The following LRRC8C variants were observed in gnomAD, a reference collection of about 807,000 sequenced individuals.
LRRC8C encodes the protein volume-regulated anion channel subunit LRRC8C.
LRRC8C carries 20 observed loss-of-function variants against 55.3 expected under a neutral mutation model. The observed-to-expected ratio is 0.36, with a 90% CI of 0.25 to 0.53. The LOEUF is 0.53. LRRC8C is among the 20% of genes least tolerant of loss of function. LRRC8C has a pLI of 0.92. For missense variants in LRRC8C, 659 were observed against 951.4 expected, an observed-to-expected ratio of 0.69 and a Z score of 4.04; for synonymous variants, 376 against 360.7, an observed-to-expected ratio of 1.04 and a Z score of -0.48.
the LRRC8C span, chr1:89,626,731 A>G: frequency 6.6e-6 from 1 of 152,164 alleles, no homozygotes; most frequent in Non-Finnish European, 1.5e-5. Context: ...AAGCTTCTGT[A>G]TCAGTGGAGT....
At chr1:89,709,108 T>C (rs1006767850) in intron 2 of LRRC8C, among the ~76,000 whole-genome samples, 3 of 152,252 alleles carry the variant, frequency 2.0e-5, no homozygotes, top group African/African-American at 7.2e-5. Flanking sequence ...ACAGAACTTC[T>C]GGAGATTGCC....
At chr1:89,679,991 TG>T (rs1458133503) in intron 1 of LRRC8C, among the ~76,000 whole-genome samples, 2 of 152,086 alleles carry the variant, frequency 1.3e-5, no homozygotes, top group Non-Finnish European at 2.9e-5. Context: ...AAAATTATCC[TG>T]GGGAGGAGGA....
chr1:89,625,528 A>C, the LRRC8C span, among the ~76,000 whole-genome samples: 1 of 152,310 alleles, frequency 6.6e-6, no homozygotes, highest in African/African-American at 2.4e-5. Flanking sequence ...TGGATTCAGG[A>C]AACTAAGAAG....
At chr1:89,659,069 G>T (rs1285828973) in intron 1 of LRRC8C, among the ~76,000 whole-genome samples, 28,457 of 69,222 alleles carry the variant, frequency 0.41, 5,091 homozygotes, top group East Asian at 0.57. Flanking sequence ...TTTTGTGTGT[G>T]TGTGTGTGTG....
At chr1:89,640,314 C>CA (rs1219786246) in intron 1 of LRRC8C, among the ~76,000 whole-genome samples, 2 of 152,254 alleles carry the variant, frequency 1.3e-5, no homozygotes, top group Non-Finnish European at 2.9e-5. Context: ...CCACCCACCT[C>CA]AGCTTCCCAA....
chr1:89,713,387 T>C lies in LRRC8C; in HGVS notation c.817T>C (p.Phe273Leu). ...VRQTVLKVIK[F>L]LIIIAYNSAL... ...CCAGACTGTACTTAAAGTTATCAAA[T>C]TCCTAATCATCATTGCATATAATAG... Residue 273 changes from phenylalanine (F) to leucine (L), a missense_variant, in exon 3 of 3, where the codon TTC becomes CTC. Transcript: ENST00000370454. The surrounding 1 kb of genome is among the most constrained non-coding windows in gnomAD (Gnocchi z 5.2). 6.2e-7 allele frequency: 1 copy of C among 1,614,210 alleles called. No homozygotes were observed.
At chr1:89,685,406 C>T (rs554715004) in intron 1 of LRRC8C, among the ~76,000 whole-genome samples, 243 of 152,218 alleles carry the variant, frequency 1.6e-3, no homozygotes, top group African/African-American at 5.2e-3. Context: ...TGAGCCACCG[C>T]GCCCGGCCAT....
intron 1 of LRRC8C, among the ~76,000 whole-genome samples, chr1:89,647,306 T>C (rs1656643313): frequency 6.6e-6 from 1 of 152,174 alleles, no homozygotes; most frequent in Non-Finnish European, 1.5e-5. Flanking sequence ...AGCTCCAAAT[T>C]AGGAACATGA....
At chr1:89,640,646 A>C (rs1359200313) in intron 1 of LRRC8C, among the ~76,000 whole-genome samples, 1 of 152,232 alleles carries the variant, frequency 6.6e-6, no homozygotes, top group Non-Finnish European at 1.5e-5. Flanking sequence ...TGTCCAGCAC[A>C]CATAACTTTC....
In LRRC8C at chr1:89,715,851, C is replaced by T. The variant is rs1006112468; in HGVS notation, c.*869C>T. On this transcript the variant is annotated 3_prime_UTR_variant, in exon 3 of 3. Coordinates refer to ENST00000370454, the MANE Select transcript of LRRC8C (RefSeq NM_032270.5). ...TCTTTCATATCTTGATATGCAGCTG[C>T]ATCAGATGGAAAAAAATTTACTAAA... is the stretch of plus-strand genomic sequence containing the variant. 1.3e-5 allele frequency: 2 copies of T among 152,052 alleles called. No homozygotes were observed. The highest frequency in any genetic ancestry group is 1.3e-4 in the Admixed American group (2 of 15,254). 9.4% of individuals were successfully genotyped at this position (152,052 alleles called of 1,614,324 possible).
intron 2 of LRRC8C, among the ~76,000 whole-genome samples, chr1:89,709,183 A>G (rs1658571289): frequency 6.6e-6 from 1 of 152,206 alleles, no homozygotes; most frequent in African/African-American, 2.4e-5. Flanking sequence ...GCTAGGTGAA[A>G]TGAGAAGAAT....
intron 1 of LRRC8C, among the ~76,000 whole-genome samples, chr1:89,640,425 A>G (rs1176765285): frequency 1.3e-5 from 2 of 152,218 alleles, no homozygotes; most frequent in African/African-American, 2.4e-5. Context: ...TCTTTTTCAA[A>G]TATCTTAGAG....
At chr1:89,631,840 G>A (rs1656116646), upstream of LRRC8C, 1 of 152,212 alleles carries the variant, frequency 6.6e-6, no homozygotes, top group Non-Finnish European at 1.5e-5. Flanking sequence ...ATTTTGCTGA[G>A]TGAGCAGGGG....
At chr1:89,634,545 G>A (rs554160476) in intron 1 of LRRC8C, among the ~76,000 whole-genome samples, 1 of 152,338 alleles carries the variant, frequency 6.6e-6, no homozygotes, top group South Asian at 2.1e-4. Context: ...TCATTAAGAT[G>A]CCATTTAGAC....
chr1:89,648,135 A>G (rs1656663025), intron 1 of LRRC8C, among the ~76,000 whole-genome samples: 1 of 152,220 alleles, frequency 6.6e-6, no homozygotes, highest in Admixed American at 6.5e-5. Context: ...TTTGAATATT[A>G]TGAAGAAAAA....
chr1:89,715,095 C>G lies in LRRC8C; in HGVS notation c.*113C>G, dbSNP rs554549180. The G allele has an allele frequency of 3.2e-5, 19 of 590,132 alleles. No individual in the cohort carries two copies. In the South Asian group the frequency reaches 7.6e-4, roughly 24 times the overall value. The allele number at this position is 590,132 out of a possible 1,614,324, so 36.6% of individuals were successfully genotyped here. A position where few individuals can be genotyped will look rare whatever the true frequency, so the allele number is the denominator to read the frequency against. The stretch of plus-strand genomic sequence containing the variant: ...TTTTCCTTTTCACACAAAATGTACA[C>G]AAAGATCGCGTAAGGAGTATGTATT... On this transcript the variant is annotated 3_prime_UTR_variant, in exon 3 of 3. Transcript: ENST00000370454.
rs771756868 is a variant in LRRC8C at position 89,715,056 on chromosome 1, C to T, written c.*74C>T. ...TATAAATAATTAGGTAGTCTTAATG[C>T]CTTTCCTATTTTTTTTTCCTTTTCA... On this transcript the variant is annotated 3_prime_UTR_variant, in exon 3 of 3. Transcript: ENST00000370454. 6 of 1,002,196 alleles carry T rather than the reference C, an allele frequency of 6.0e-6. No homozygotes were observed. Among genetic ancestry groups the T allele is most frequent in the Non-Finnish European group, 8.4e-6 (6 of 715,670 alleles). The allele number at this position is 1,002,196 out of a possible 1,614,324, so 62.1% of individuals were successfully genotyped here.
chr1:89,698,546 A>G (rs1011935178), intron 2 of LRRC8C, among the ~76,000 whole-genome samples: 1 of 152,188 alleles, frequency 6.6e-6, no homozygotes, highest in African/African-American at 2.4e-5. Flanking sequence ...CTCACGGTGC[A>G]TAACTCAAGG....
intron 2 of LRRC8C, among the ~76,000 whole-genome samples, chr1:89,695,429 G>A (rs1241493315): frequency 6.6e-6 from 1 of 152,210 alleles, no homozygotes; most frequent in East Asian, 1.9e-4. Flanking sequence ...CTGGGGCTAT[G>A]TGACCTTAAG....
Sources: gnomAD v4.1 joint callset for allele counts (sites outside exome capture counted in the v4.1 genomes callset) on GRCh38, gnomAD v4.1.1 for gene constraint, Gnocchi (gnomAD v3.1) non-coding constraint, MANE v1.5 for transcripts, NCBI Gene and HGNC (gene_info 2026-07-23, HGNC 2026-07-21) for gene names.